Variants in QRICH2 observed in about 807,000 individuals in gnomAD.
QRICH2 encodes the protein glutamine-rich protein 2.
Under a neutral mutation model 168.3 loss-of-function variants are expected in QRICH2, and 119 were observed. That is an observed-to-expected ratio of 0.71 (90% confidence interval 0.61 to 0.82). The LOEUF is 0.82. QRICH2 is among the 40% of genes least tolerant of loss of function. The probability of loss-of-function intolerance (pLI) is 0.00; values close to 1 mark genes in which losing one functional copy is unlikely to be tolerated. For synonymous variants in QRICH2, 894 were observed against 951.2 expected, an observed-to-expected ratio of 0.94 and a Z score of 1.11; for missense variants, 2,241 against 2,491.6, an observed-to-expected ratio of 0.90 and a Z score of 2.14.
upstream of QRICH2, among the ~76,000 whole-genome samples, chr17:76,309,311 G>A (rs1321939907): frequency 5.5e-5 from 8 of 146,220 alleles, no homozygotes; most frequent in Middle Eastern, 3.6e-3. Context: ...AGCCAAGATC[G>A]CACCACTGCA....
At chr17:76,282,515 G>T (rs113164881) in intron 7 of QRICH2, among the ~76,000 whole-genome samples, 107 of 152,302 alleles carry the variant, frequency 7.0e-4, no homozygotes, top group African/African-American at 2.5e-3. Context: ...TGAGGGGTGG[G>T]CTTGCACACG....
chr17:76,294,289 T>G (rs1481410442), intron 3 of QRICH2, among the ~76,000 whole-genome samples: 29 of 151,832 alleles, frequency 1.9e-4, no homozygotes. Context: ...CCAGGCGTGG[T>G]GGCATGTGTC....
chr17:76,291,100 C>T lies in QRICH2; in HGVS notation c.3627G>A (p.Gly1209=). The part of the protein sequence containing the change: ...LMGELSSLYV[G]LKESMKDLDE... ...CCAGATCCTTCATACTCTCCTTTAG[C>T]CCCACATAGAGGCTACTGAGCTCTC... is the stretch of plus-strand genomic sequence containing the variant. The change falls in exon 4 of 19, where the codon GGG becomes GGA. Residue 1209 remains glycine, a synonymous_variant. Transcript: ENST00000680821. 6.2e-7 allele frequency: 1 copy of T among 1,614,208 alleles called. No individual in the cohort carries two copies. The highest frequency in any genetic ancestry group is 8.5e-7 in the Non-Finnish European group (1 of 1,180,048).
At position 76,291,262 on chromosome 17, in the gene QRICH2, GAA is replaced by G. The variant is rs764890172; in HGVS notation, c.3463_3464del (p.Phe1155GlnfsTer19). 6.2e-7 allele frequency: 1 copy of G among 1,614,214 alleles called. No homozygotes were observed. The highest frequency in any genetic ancestry group is 1.7e-5 in the Admixed American group (1 of 60,016). On this transcript the variant is annotated frameshift_variant, in exon 4 of 19. Coordinates refer to ENST00000680821, the MANE Select transcript of QRICH2 (RefSeq NM_001388453.1). LOFTEE classifies it high-confidence loss of function. ...QKAPGQDVTL[F>X]RSPDSVDRVL... Reference sequence around the variant, plus strand: ...CTCGGTCGACGGAGTCTGGACTCCTGAAAAGAGTGACATCTTGGCCTGGGGCC... The same window carrying G: ...CTCGGTCGACGGAGTCTGGACTCCTGAAGAGTGACATCTTGGCCTGGGGCC...
intron 3 of QRICH2, among the ~76,000 whole-genome samples, chr17:76,297,815 C>T (rs2070821800): frequency 6.6e-6 from 1 of 150,844 alleles, no homozygotes; most frequent in Non-Finnish European, 1.5e-5. Flanking sequence ...AACTCCTGGG[C>T]TCAAGCAATC....
In QRICH2 at chr17:76,280,416, G is replaced by A; in HGVS notation, c.4497C>T (p.Ser1499=). The A allele has an allele frequency of 6.2e-7, 1 of 1,614,140 alleles. No individual in the cohort carries two copies. ...CCGTGGTGGCATCAAACTGGACACGGCTCACTTTGGTGGCCAGAGCACTCT... is the reference window on the plus strand; with the variant it reads ...CCGTGGTGGCATCAAACTGGACACGACTCACTTTGGTGGCCAGAGCACTCT... ...ADKSALATKV[S]RVQFDATTEQ... is the part of the protein sequence containing the mutation. The change falls in exon 11 of 19, where the codon AGC becomes AGT. Residue 1499 remains serine, a synonymous_variant. Coordinates refer to ENST00000680821, the MANE Select transcript of QRICH2 (RefSeq NM_001388453.1). This position sits in a 1 kb window ranked among gnomAD's most constrained non-coding sequence, Gnocchi z 7.4.
Position 76,280,365 on chromosome 17 carries a change from C to G in QRICH2, c.4548G>C (p.Glu1516Asp). ...CCTGCCCGCTCATCTTGGCCACCAGCTCCTGCATCATGTGGTTCAGCTGCT... is the reference window on the plus strand; with the variant it reads ...CCTGCCCGCTCATCTTGGCCACCAGGTCCTGCATCATGTGGTTCAGCTGCT... ...TTEQLNHMMQELVAKMSGQEQ... is the reference protein window; with the variant it reads ...TTEQLNHMMQDLVAKMSGQEQ... The change falls in exon 11 of 19, where the codon GAG (glutamate) becomes GAC (aspartate). Residue 1516 changes from glutamate (E) to aspartate (D), a missense_variant. Coordinates refer to ENST00000680821, the MANE Select transcript of QRICH2 (RefSeq NM_001388453.1). This position sits in a 1 kb window ranked among gnomAD's most constrained non-coding sequence, Gnocchi z 7.4. 6.2e-7 allele frequency: 1 copy of G among 1,614,220 alleles called. No homozygotes were observed. The highest frequency in any genetic ancestry group is 2.2e-5 in the East Asian group (1 of 44,888).
intron 2 of QRICH2, 101 bp from the exon 3 acceptor site, chr17:76,304,626 G>T: frequency 2.5e-6 from 2 of 812,888 alleles, no homozygotes; most frequent in African/African-American, 3.4e-5. Flanking sequence ...GTCCTTCACA[G>T]CCCCAGCCCC....
At chr17:76,279,525 G>C (rs1167327563) in intron 12 of QRICH2, 97 bp from the exon 13 acceptor site, 1 of 913,318 alleles carries the variant, frequency 1.1e-6, no homozygotes, top group African/African-American at 1.6e-5. Flanking sequence ...CAGCCCACCA[G>C]GGTGCAGATC....
At position 76,303,338 on chromosome 17, in the gene QRICH2, T is replaced by G. The variant is rs559668417; in HGVS notation, c.705+1077A>C. Among the ~76,000 whole-genome samples the G allele has an allele frequency of 1.2e-4, 19 of 152,266 alleles. 1 individual carries two copies. The South Asian group carries it at 3.9e-3, about 32-fold the overall frequency. On this transcript the variant is annotated intron_variant, in intron 3 of 18. Transcript: ENST00000680821. Reference sequence around the variant, plus strand: ...GCGCCAAAAGCTTTACTCTTCACCCTGCTTCCGTCTACATTTTCAAATGGC... The same window carrying G: ...GCGCCAAAAGCTTTACTCTTCACCCGGCTTCCGTCTACATTTTCAAATGGC...
intron 14 of QRICH2, 130 bp from the exon 15 acceptor site, chr17:76,278,319 T>A: frequency 1.2e-6 from 1 of 826,518 alleles, no homozygotes; most frequent in Non-Finnish European, 1.9e-6. Flanking sequence ...GCTGGGCAGC[T>A]TGACCCCTCA....
chr17:76,309,218 T>C (rs2071038192), upstream of QRICH2, among the ~76,000 whole-genome samples: 3 of 150,272 alleles, frequency 2.0e-5, no homozygotes, highest in South Asian at 6.3e-4. Flanking sequence ...TAGCCGGGCA[T>C]GGTACCGCGC....
In QRICH2 at chr17:76,274,290, A is replaced by G. The variant is rs1418187462; in HGVS notation, c.5483-30T>C. 5.1e-6 allele frequency: 8 copies of G among 1,564,634 alleles called. No individual in the cohort carries two copies. The African/African-American group carries it at 9.8e-5, about 19-fold the overall frequency. On this transcript the variant is annotated intron_variant, in intron 18 of 18. Coordinates refer to ENST00000680821, the MANE Select transcript of QRICH2 (RefSeq NM_001388453.1). ...AAGACAGGGGTGCTGAGGTTGCTCAACACATTCCCCAAGCCCACCAGGGGT... is the reference window on the plus strand; with the variant it reads ...AAGACAGGGGTGCTGAGGTTGCTCAGCACATTCCCCAAGCCCACCAGGGGT...
Position 76,304,896 on chromosome 17 carries a change from G to A in QRICH2, c.580C>T (p.Arg194Trp), listed in dbSNP as rs774220097. The change falls in exon 2 of 19, where the codon CGG (arginine) becomes TGG (tryptophan). Residue 194 changes from arginine to tryptophan, a missense_variant. Transcript: ENST00000680821. ...VDELEKLFKDREQFLELVSRK... is the reference protein window; with the variant it reads ...VDELEKLFKDWEQFLELVSRK... ...GCTGGTATTACCAGGAATTGCTCCCGATCTTTGAATAGCTTCTCTAGTTCA... is the reference window on the plus strand; with the variant it reads ...GCTGGTATTACCAGGAATTGCTCCCAATCTTTGAATAGCTTCTCTAGTTCA... The A allele has an allele frequency of 5.6e-6, 9 of 1,612,928 alleles. No homozygotes were observed. The highest frequency in any genetic ancestry group is 3.3e-5 in the Admixed American group (2 of 59,986).
chr17:76,300,119 C>T (rs908889160), intron 3 of QRICH2, among the ~76,000 whole-genome samples: 5 of 152,066 alleles, frequency 3.3e-5, no homozygotes, highest in East Asian at 1.9e-4. Flanking sequence ...CGTGAGCCAC[C>T]GCACCTGGCC....
chr17:76,307,313 G>T lies in QRICH2; in HGVS notation c.534+152C>A. ...GGTAGAGCATGGGCCACTCTATTTA[G>T]CCAGTCGCACTGAGGTCTGGCACCT... On this transcript the variant is annotated intron_variant, in intron 1 of 18. Transcript: ENST00000680821. The surrounding 1 kb of genome is among the most constrained non-coding windows in gnomAD (Gnocchi z 5.3). The T allele has an allele frequency of 1.4e-6, 1 of 720,140 alleles. No individual in the cohort carries two copies. Among genetic ancestry groups the T allele is most frequent in the Non-Finnish European group, 2.3e-6 (1 of 432,380 alleles). 44.6% of individuals were successfully genotyped at this position (720,140 alleles called of 1,614,324 possible).
At chr17:76,309,744 A>C (rs932239109), upstream of QRICH2, 2 of 152,226 alleles carry the variant, frequency 1.3e-5, no homozygotes, top group African/African-American at 2.4e-5. Context: ...TTATATGCAG[A>C]TACTACACCA....
chr17:76,300,294 C>T (rs148601093), intron 3 of QRICH2, among the ~76,000 whole-genome samples: 31 of 152,208 alleles, frequency 2.0e-4, no homozygotes, highest in Admixed American at 7.9e-4. Flanking sequence ...TTGATTACTG[C>T]TCATAATTAT....
rs1420039865 is a variant in QRICH2, at chr17:76,293,308, A to G, written c.1419T>C (p.His473=). The change falls in exon 4 of 19, where the codon CAT becomes CAC. Residue 473 remains histidine, a synonymous_variant. Transcript: ENST00000680821. ...HGLVSVSAYQ[H]GMTFPGTDQR... ...GGTCTGTGCCAGGAAATGTCATACC[A>G]TGCTGATATGCACTGACTGAAACCA... is the stretch of plus-strand genomic sequence containing the variant. 2.0e-5 allele frequency: 33 copies of G among 1,614,124 alleles called. No individual in the cohort carries two copies. Among genetic ancestry groups the G allele is most frequent in the Non-Finnish European group, 2.6e-5 (31 of 1,180,038 alleles).
Sources: allele counts gnomAD v4.1 joint callset (sites outside exome capture counted in the v4.1 genomes callset), GRCh38; gene constraint gnomAD v4.1.1; non-coding constraint Gnocchi (gnomAD v3.1); transcripts MANE v1.5; gene names NCBI Gene and HGNC (gene_info 2026-07-23, HGNC 2026-07-21).